The following ADGRE2 variants were observed in gnomAD, a reference collection of about 807,000 sequenced individuals.
ADGRE2 encodes CD97 antigen.
Under a neutral mutation model 100.8 loss-of-function variants are expected in ADGRE2, and 83 were observed. The ratio of observed to expected loss-of-function variants is 0.82; its 90% confidence interval spans 0.69 to 0.99. ADGRE2 has a LOEUF of 0.99. Among genes scored for constraint, ADGRE2 ranks in the 50% least tolerant of loss-of-function variants. The probability of loss-of-function intolerance (pLI) is 0.00; values close to 1 mark genes in which losing one functional copy is unlikely to be tolerated. For synonymous variants in ADGRE2, 355 were observed against 413.0 expected, an observed-to-expected ratio of 0.86 and a Z score of 1.70; for missense variants, 814 against 1,035.7, an observed-to-expected ratio of 0.79 and a Z score of 2.94.
Position 14,755,843 on chromosome 19 carries a change from C to T in ADGRE2, c.1227G>A (p.Gly409=). The change falls in exon 13 of 21, where the codon GGG becomes GGA. Residue 409 remains glycine (G), a synonymous_variant. Transcript: ENST00000315576. ...GGGCCTCAGCCAGCAACTTGCCCAT[C>T]CCTGGAATGGAGACAAGGCCCACCA... ...PSVVGLVSIP[G]MGKLLAEAPL... The T allele has an allele frequency of 6.2e-7, 1 of 1,614,150 alleles. No homozygotes were observed. The highest frequency in any genetic ancestry group is 8.5e-7 in the Non-Finnish European group (1 of 1,180,038).
chr19:14,732,412 A>G lies in ADGRE2; in HGVS notation c.*3824T>C, dbSNP rs2042679549. ...CCAAAAAATGTGTATGACTTGCTTT[A>G]TTGCAATATTCACATTATTGTGGTG... On this transcript the variant is annotated 3_prime_UTR_variant, in exon 21 of 21. Transcript: ENST00000315576. 6.6e-6 allele frequency: 1 copy of G among 152,186 alleles called. No individual in the cohort carries two copies. Among genetic ancestry groups the G allele is most frequent in the Admixed American group, 6.5e-5 (1 of 15,286 alleles). 9.4% of individuals were successfully genotyped at this position (152,186 alleles called of 1,614,324 possible). A position where few individuals can be genotyped will look rare whatever the true frequency, so the allele number is the denominator to read the frequency against.
intron 1 of ADGRE2, chr19:14,777,193 T>A: frequency 3.1e-6 from 2 of 646,944 alleles, no homozygotes; most frequent in Non-Finnish European, 3.8e-6. Flanking sequence ...GGCTCTTCCC[T>A]GGGCAGGCAC....
the ADGRE2 span, among the ~76,000 whole-genome samples, chr19:14,724,747 C>A: frequency 2.0e-5 from 3 of 152,138 alleles, no homozygotes; most frequent in African/African-American, 7.2e-5. Context: ...GCCTGGGCAA[C>A]AAGAGTGAAA....
intron 12 of ADGRE2, 42 bp downstream of exon 12, chr19:14,756,196 A>G: frequency 7.2e-7 from 1 of 1,392,084 alleles, no homozygotes; most frequent in Non-Finnish European, 1.0e-6. Context: ...ATCTTTTCCC[A>G]CCATGAAGCT....
chr19:14,764,544 G>A lies in ADGRE2; in HGVS notation c.973C>T (p.Gln325Ter). The A allele has an allele frequency of 6.2e-7, 1 of 1,612,990 alleles. No individual in the cohort carries two copies. The highest frequency in any genetic ancestry group is 8.5e-7 in the Non-Finnish European group (1 of 1,179,954). The change falls in exon 11 of 21, where the codon CAG (glutamine) becomes TAG (stop). Residue 325 changes from glutamine to a stop codon, truncating the protein, a stop_gained. Coordinates refer to ENST00000315576, the MANE Select transcript of ADGRE2 (RefSeq NM_013447.4). LOFTEE classifies it high-confidence loss of function. Reference protein sequence around the residue: ...PGDLETLPRLQQHCVASHLLD... With the variant: ...PGDLETLPRL ...AGGTGACTGGCCACACAGTGCTGCT[G>A]TAAGCGGGGCAGGGTCTCCAGGTCC...
In ADGRE2 at chr19:14,734,320, A is replaced by T. The variant is rs577493920; in HGVS notation, c.*1916T>A. On this transcript the variant is annotated 3_prime_UTR_variant, in exon 21 of 21. Coordinates refer to ENST00000315576, the MANE Select transcript of ADGRE2 (RefSeq NM_013447.4). ...CCTGAGCTCAGGAGATTAAGACCTG[A>T]GCCTGGGCAGCATAGTGAGACCCAC... 3.3e-5 allele frequency: 5 copies of T among 152,224 alleles called. No individual in the cohort carries two copies. The highest frequency in any genetic ancestry group is 7.3e-5 in the Non-Finnish European group (5 of 68,082). 9.4% of individuals were successfully genotyped at this position (152,224 alleles called of 1,614,324 possible).
chr19:14,746,889 C>T lies in ADGRE2; in HGVS notation c.2091+7G>A. 1 of 1,613,256 alleles carries T rather than the reference C, an allele frequency of 6.2e-7. No individual in the cohort carries two copies. Among genetic ancestry groups the T allele is most frequent in the South Asian group, 1.1e-5 (1 of 90,974 alleles). On this transcript the variant is annotated splice_region_variant and intron_variant, in intron 17 of 20. Coordinates refer to ENST00000315576, the MANE Select transcript of ADGRE2 (RefSeq NM_013447.4). ...GGCAGCGAGGATGCTCAGATGATGT[C>T]ACTCACAGAGAAGATGGCGCAGACA...
At position 14,778,486 on chromosome 19, in the gene ADGRE2, T is replaced by G; in HGVS notation, c.-401A>C. On this transcript the variant is annotated 5_prime_UTR_variant, in exon 1 of 21. Transcript: ENST00000315576. ...CCCAGGGAGGGAGAAGGGGCCCTCTTCCGATGCCAGGCAGGTGCCAAGAAG... is the reference window on the plus strand; with the variant it reads ...CCCAGGGAGGGAGAAGGGGCCCTCTGCCGATGCCAGGCAGGTGCCAAGAAG... 2 of 929,724 alleles carry G rather than the reference T, an allele frequency of 2.2e-6. No homozygotes were observed. The highest frequency in any genetic ancestry group is 2.6e-6 in the Non-Finnish European group (2 of 778,938). The allele number at this position is 929,724 out of a possible 1,614,324, so 57.6% of individuals were successfully genotyped here.
downstream of ADGRE2, among the ~76,000 whole-genome samples, chr19:14,727,696 C>T (rs2042642612): frequency 6.6e-6 from 1 of 152,140 alleles, no homozygotes; most frequent in Admixed American, 6.5e-5. Context: ...ATATCATGTA[C>T]CTATTAGTTA....
downstream of ADGRE2, among the ~76,000 whole-genome samples, chr19:14,730,905 C>T (rs148481941): frequency 6.8e-4 from 103 of 151,954 alleles, no homozygotes; most frequent in African/African-American, 2.2e-3. Flanking sequence ...TGAGAACATG[C>T]GGTATTTGGT....
intron 20 of ADGRE2, chr19:14,741,642 AT>A (rs966185153): frequency 0.019 from 2,348 of 124,938 alleles, 18 homozygotes; most frequent in Non-Finnish European, 0.023. Flanking sequence ...ACGCCTGGCT[AT>A]TTTTTTTTTT....
intron 11 of ADGRE2, among the ~76,000 whole-genome samples, chr19:14,764,034 CTCT>C (rs757848480): frequency 3.5e-4 from 53 of 150,144 alleles, no homozygotes; most frequent in African/African-American, 9.1e-4. Context: ...CCTCCTCCTT[CTCT>C]TCTTCTTCTT....
intron 16 of ADGRE2, among the ~76,000 whole-genome samples, chr19:14,751,224 T>C (rs1430477479): frequency 1.3e-5 from 2 of 152,150 alleles, no homozygotes; most frequent in African/African-American, 2.4e-5. Flanking sequence ...TTCAGAAAAT[T>C]TCCGAAAACC....
chr19:14,737,754 G>C (rs780987299), intron 20 of ADGRE2, among the ~76,000 whole-genome samples: 35 of 152,022 alleles, frequency 2.3e-4, no homozygotes, highest in Non-Finnish European at 4.6e-4. Context: ...TTGAGGTCAG[G>C]AGTTTGAGAC....
intron 11 of ADGRE2, among the ~76,000 whole-genome samples, chr19:14,759,503 A>ATATATATTTT (rs60789454): frequency 5.2e-4 from 69 of 133,368 alleles, no homozygotes; most frequent in South Asian, 3.2e-3. Flanking sequence ...ATATATATAT[A>ATATATATTTT]TTTTTTTTTT....
intron 2 of ADGRE2, among the ~76,000 whole-genome samples, chr19:14,775,414 C>G (rs1004757065): frequency 2.0e-5 from 3 of 152,110 alleles, no homozygotes; most frequent in African/African-American, 4.8e-5. Context: ...CTCAGCCTCC[C>G]TAGCTTGGCT....
chr19:14,766,335 G>A lies in ADGRE2; in HGVS notation c.534C>T (p.Thr178=), dbSNP rs757186423. ...AGCTGCCCACGTTGTTGAGGCAGTG[G>A]GTGGAGCTGTGGCATGGGTTTTGTC... ...TSGQNPCHSS[T]HCLNNVGSYQ... Residue 178 remains threonine, a synonymous_variant, in exon 7 of 21, where the codon ACC becomes ACT. Coordinates refer to ENST00000315576, the MANE Select transcript of ADGRE2 (RefSeq NM_013447.4). 30 of 1,613,958 alleles carry A rather than the reference G, an allele frequency of 1.9e-5. 1 individual carries two copies. The highest frequency in any genetic ancestry group is 2.5e-5 in the Non-Finnish European group (29 of 1,180,028).
intron 14 of ADGRE2, among the ~76,000 whole-genome samples, chr19:14,753,901 T>C (rs2043388545): frequency 6.6e-6 from 1 of 152,140 alleles, no homozygotes; most frequent in African/African-American, 2.4e-5. Flanking sequence ...TGACGGTTAA[T>C]ACTGGGTGTC....
rs983149456 is a variant in ADGRE2, at chr19:14,734,935, T to G, written c.*1301A>C. On this transcript the variant is annotated 3_prime_UTR_variant, in exon 21 of 21. Coordinates refer to ENST00000315576, the MANE Select transcript of ADGRE2 (RefSeq NM_013447.4). The stretch of plus-strand genomic sequence containing the variant: ...CCTAATCTTATTATGCAAATGAGCT[T>G]TGGCTGACACTATGTTGCCTGCTTT... 6.6e-6 allele frequency: 1 copy of G among 152,448 alleles called. No homozygotes were observed. Among genetic ancestry groups the G allele is most frequent in the East Asian group, 1.9e-4 (1 of 5,188 alleles). 9.4% of individuals were successfully genotyped at this position (152,448 alleles called of 1,614,324 possible).
Sources: allele counts gnomAD v4.1 joint callset (sites outside exome capture counted in the v4.1 genomes callset), GRCh38; gene constraint gnomAD v4.1.1; transcripts MANE v1.5; gene names NCBI Gene and HGNC (gene_info 2026-07-23, HGNC 2026-07-21).